CHD1L: variants seen among roughly 807,000 people sequenced by gnomAD.
CHD1L encodes chromodomain helicase DNA binding protein 1 like.
CHD1L carries 118 observed loss-of-function variants against 115.9 expected under a neutral mutation model. The ratio of observed to expected loss-of-function variants is 1.02; its 90% CI spans 0.88 to 1.19. CHD1L has a LOEUF of 1.19. Among genes scored for constraint, CHD1L ranks in the 50% most tolerant of loss-of-function variants. CHD1L has a pLI of 0.00. For missense variants in CHD1L, 1,179 were observed against 1,065.3 expected (o/e 1.11, Z -1.49); for synonymous variants, 411 against 387.1 (o/e 1.06, Z -0.72).
At position 147,280,272 on chromosome 1, in the gene CHD1L, T is replaced by C. The variant is rs1475481475; in HGVS notation, c.1705+81T>C. The C allele has an allele frequency of 2.1e-6, 3 of 1,403,168 alleles. No individual in the cohort carries two copies. The East Asian group carries it at 7.1e-5, about 33-fold the overall frequency. 86.9% of individuals were successfully genotyped at this position (1,403,168 alleles called of 1,614,324 possible). On this transcript the variant is annotated intron_variant, in intron 15 of 22. Transcript: ENST00000369258. ...CGTCCCCATGGAAAGTTTTGGATGCTGCTCTCTGGGGCATCTTTTTTCTCC... is the reference window on the plus strand; with the variant it reads ...CGTCCCCATGGAAAGTTTTGGATGCCGCTCTCTGGGGCATCTTTTTTCTCC...
At position 147,267,865 on chromosome 1, in the gene CHD1L, G is replaced by A. The variant is rs587617149; in HGVS notation, c.988+347G>A. Among the ~76,000 whole-genome samples the A allele has an allele frequency of 1.5e-4, 23 of 152,120 alleles. 1 individual carries two copies. Among genetic ancestry groups the A allele is most frequent in the African/African-American group, 5.5e-4 (23 of 41,476 alleles). On this transcript the variant is annotated intron_variant, in intron 9 of 22. Coordinates refer to ENST00000369258, the MANE Select transcript of CHD1L (RefSeq NM_004284.6). ...ATGAAGAGTCAAGACCAGTGGTTTTGTGGAATGCATGATAAGCTGGGTTCT... is the reference window on the plus strand; with the variant it reads ...ATGAAGAGTCAAGACCAGTGGTTTTATGGAATGCATGATAAGCTGGGTTCT...
the CHD1L span, among the ~76,000 whole-genome samples, chr1:147,235,546 G>T: frequency 6.6e-6 from 1 of 152,024 alleles, no homozygotes. Context: ...GATAGAGGTG[G>T]GGAACCCCCT....
intron 15 of CHD1L, 41 bp from the exon 16 acceptor site, chr1:147,284,310 T>C (rs1164194114): frequency 2.7e-6 from 4 of 1,467,590 alleles, no homozygotes; most frequent in Non-Finnish European, 3.7e-6. Flanking sequence ...CTATTTTTCC[T>C]TGGTATCTAA....
chr1:147,196,876 G>T, the CHD1L span, among the ~76,000 whole-genome samples: 2 of 152,042 alleles, frequency 1.3e-5, no homozygotes, highest in Non-Finnish European at 2.9e-5. Context: ...TTTCATTTAA[G>T]TCTGGCTCCT....
the CHD1L span, among the ~76,000 whole-genome samples, chr1:147,216,284 A>G: frequency 2.0e-5 from 3 of 152,232 alleles, no homozygotes; most frequent in African/African-American, 7.2e-5. Context: ...AGCTTGAGGA[A>G]GTCCAGCCTC....
At chr1:147,216,767 A>G in the CHD1L span, among the ~76,000 whole-genome samples, 2 of 150,400 alleles carry the variant, frequency 1.3e-5, no homozygotes, top group Non-Finnish European at 3.0e-5. Flanking sequence ...AGATTGTGTT[A>G]GAAATGCAGA....
At chr1:147,271,906 A>G (rs781784832) in intron 11 of CHD1L, among the ~76,000 whole-genome samples, 3 of 152,376 alleles carry the variant, frequency 2.0e-5, no homozygotes, top group Non-Finnish European at 4.4e-5. Flanking sequence ...AGAATAGTCA[A>G]AACTGAGTAT....
chr1:147,180,204 G>A, the CHD1L span, among the ~76,000 whole-genome samples: 1 of 152,154 alleles, frequency 6.6e-6, no homozygotes, highest in Non-Finnish European at 1.5e-5. Flanking sequence ...GTGTCATGTT[G>A]TATAGTCAGA....
At chr1:147,231,790 T>G in the CHD1L span, among the ~76,000 whole-genome samples, 1 of 152,118 alleles carries the variant, frequency 6.6e-6, no homozygotes, top group Non-Finnish European at 1.5e-5. Flanking sequence ...AAGCGCAGTA[T>G]TAGGGTGGGA....
chr1:147,219,756 A>G, the CHD1L span, among the ~76,000 whole-genome samples: 1 of 151,768 alleles, frequency 6.6e-6, no homozygotes, highest in African/African-American at 2.4e-5. Context: ...AAAAAAAGTA[A>G]GAAAAAAAGA....
In CHD1L at chr1:147,268,790, C is replaced by G. The variant is rs1249494722; in HGVS notation, c.997C>G (p.Pro333Ala). The change falls in exon 10 of 23, where the codon CCG (proline) becomes GCG (alanine). Residue 333 changes from proline (P) to alanine (A), a missense_variant. Transcript: ENST00000369258. ...DHPYLFDGVE[P>A]EPFEVGDHLT... The stretch of plus-strand genomic sequence containing the variant: ...GGTTCTTTCTTTTCTAGGTGTGGAG[C>G]CGGAGCCTTTTGAAGTTGGAGACCA... The G allele has an allele frequency of 6.2e-7, 1 of 1,612,914 alleles. No homozygotes were observed. The highest frequency in any genetic ancestry group is 1.7e-5 in the Admixed American group (1 of 59,944).
chr1:147,272,141 A>G (rs1368566753), intron 11 of CHD1L, 30 bp from the exon 12 acceptor site: 1 of 1,576,264 alleles, frequency 6.3e-7, no homozygotes. Context: ...AAAAGGGTTA[A>G]GATTTCTGTT....
chr1:147,182,966 G>A, the CHD1L span, among the ~76,000 whole-genome samples: 6 of 152,186 alleles, frequency 3.9e-5, no homozygotes, highest in Admixed American at 2.0e-4. Flanking sequence ...TTGGGAGGCC[G>A]AGGTGGGTGG....
At chr1:147,214,612 T>G in the CHD1L span, among the ~76,000 whole-genome samples, 1 of 152,138 alleles carries the variant, frequency 6.6e-6, no homozygotes, top group Non-Finnish European at 1.5e-5. Flanking sequence ...CTACTCATCC[T>G]TCAAGACTCA....
the CHD1L span, chr1:147,203,285 G>A: frequency 3.2e-6 from 5 of 1,584,786 alleles, no homozygotes; most frequent in African/African-American, 5.4e-5. Flanking sequence ...CAATCATTTT[G>A]GTCATCATCC....
chr1:147,232,815 G>A, the CHD1L span, among the ~76,000 whole-genome samples: 2 of 152,216 alleles, frequency 1.3e-5, no homozygotes, highest in African/African-American at 4.8e-5. Flanking sequence ...ATGGTGCCCA[G>A]GCTGGAGTGC....
chr1:147,273,931 A>G (rs1209808813), intron 12 of CHD1L, among the ~76,000 whole-genome samples: 3 of 152,232 alleles, frequency 2.0e-5, no homozygotes, highest in Non-Finnish European at 4.4e-5. Context: ...GCTCATGAAT[A>G]TGTTCCTATT....
intron 1 of CHD1L, among the ~76,000 whole-genome samples, chr1:147,250,479 C>T (rs1559734248): frequency 6.6e-6 from 1 of 152,058 alleles, no homozygotes; most frequent in Non-Finnish European, 1.5e-5. Context: ...GGAAGGGGCT[C>T]CTCCATCCTG....
intron 19 of CHD1L, 131 bp downstream of exon 19, chr1:147,287,864 T>C (rs1011469027): frequency 1.5e-6 from 1 of 656,972 alleles, no homozygotes; most frequent in Middle Eastern, 2.9e-4. Flanking sequence ...AATTCTGTCA[T>C]AAATTAGCTA....
Sources: gnomAD v4.1 joint callset for allele counts (sites outside exome capture counted in the v4.1 genomes callset) on GRCh38, gnomAD v4.1.1 for gene constraint, MANE v1.5 for transcripts, NCBI Gene and HGNC (gene_info 2026-07-23, HGNC 2026-07-21) for gene names.